C2CD3: variants seen among roughly 807,000 people sequenced by gnomAD.
C2CD3 encodes the protein C2 domain containing 3 centriole elongation regulator, also known as C2 domain-containing protein 3.
C2CD3 carries 148 observed loss-of-function variants against 234.0 expected under a neutral mutation model. The ratio of observed to expected loss-of-function variants is 0.63; its 90% CI spans 0.55 to 0.72. The LOEUF (loss-of-function observed/expected upper bound fraction) is 0.72, where lower values mean the gene tolerates loss of function less well. Ranked by LOEUF, C2CD3 falls within the 30% of genes least tolerant of loss-of-function variation. C2CD3 has a pLI of 0.00. For synonymous variants in C2CD3, 1,000 were observed against 1,035.4 expected (o/e 0.97, Z 0.66); for missense variants, 2,577 against 2,811.5 (o/e 0.92, Z 1.89).
intron 9 of C2CD3, among the ~76,000 whole-genome samples, chr11:74,115,807 C>T (rs1211968594): frequency 1.3e-5 from 2 of 152,070 alleles, no homozygotes; most frequent in Non-Finnish European, 2.9e-5. Context: ...ATAGAGAATC[C>T]AGAAATAAAG....
At chr11:74,148,405 A>G (rs2156756) in intron 3 of C2CD3, among the ~76,000 whole-genome samples, 1 of 151,564 alleles carries the variant, frequency 6.6e-6, no homozygotes, top group South Asian at 2.1e-4. Context: ...TATCTTATAT[A>G]TGTATATATA....
At chr11:74,045,153 T>G (rs977585677) in intron 28 of C2CD3, among the ~76,000 whole-genome samples, 1 of 152,172 alleles carries the variant, frequency 6.6e-6, no homozygotes, top group Non-Finnish European at 1.5e-5. Flanking sequence ...ACCTAGTTGT[T>G]CCAGCACCAT....
At chr11:74,137,125 T>A (rs576618603) in intron 5 of C2CD3, among the ~76,000 whole-genome samples, 36 of 151,596 alleles carry the variant, frequency 2.4e-4, no homozygotes, top group South Asian at 1.3e-3. Context: ...GCCTCCTGAG[T>A]AGCTTAATGT....
chr11:74,062,108 A>T (rs1245898889), intron 24 of C2CD3, among the ~76,000 whole-genome samples: 1 of 152,192 alleles, frequency 6.6e-6, no homozygotes, highest in Admixed American at 6.5e-5. Flanking sequence ...ATACAGGAGC[A>T]CTCAGATTCA....
In C2CD3 at chr11:74,072,246, C is replaced by T. The variant is rs571901707; in HGVS notation, c.4951+2007G>A. On this transcript the variant is annotated intron_variant, in intron 24 of 32. Transcript: ENST00000334126. ...ATAGAATGTTTCAAGGTTTCTGATACACAATGGCTGAAATGGATGAGAACA... is the reference window on the plus strand; with the variant it reads ...ATAGAATGTTTCAAGGTTTCTGATATACAATGGCTGAAATGGATGAGAACA... Among the ~76,000 whole-genome samples the T allele has an allele frequency of 5.9e-5, 9 of 152,222 alleles. 1 individual carries two copies. In the East Asian group the frequency reaches 1.5e-3, roughly 26 times the overall value.
chr11:74,138,125 T>G (rs778357267), intron 5 of C2CD3, among the ~76,000 whole-genome samples: 100 of 152,242 alleles, frequency 6.6e-4, no homozygotes, highest in Non-Finnish European at 9.6e-4. Context: ...TACAGTGTAA[T>G]GTAAGTCAAC....
At position 74,085,089 on chromosome 11, in the gene C2CD3, A is replaced by G. The variant is rs1955579557; in HGVS notation, c.3911-119T>C. 22 of 576,326 alleles carry G rather than the reference A, an allele frequency of 3.8e-5. 1 individual carries two copies. The South Asian group carries it at 4.9e-4, about 13-fold the overall frequency. The allele number at this position is 576,326 out of a possible 1,614,324, so 35.7% of individuals were successfully genotyped here. Reference sequence around the variant, plus strand: ...ACTAAATCTTAGTTTTGTAAAATGCATTAGAGATTATCTTGCTCTTGCTCA... The same window carrying G: ...ACTAAATCTTAGTTTTGTAAAATGCGTTAGAGATTATCTTGCTCTTGCTCA... On this transcript the variant is annotated intron_variant, in intron 21 of 32. Coordinates refer to ENST00000334126, the MANE Select transcript of C2CD3 (RefSeq NM_001286577.2).
At chr11:74,130,395 TTTTTTA>T (rs1957625825) in intron 7 of C2CD3, among the ~76,000 whole-genome samples, 2 of 152,002 alleles carry the variant, frequency 1.3e-5, no homozygotes, top group Non-Finnish European at 2.9e-5. Context: ...CTAGCTAATC[TTTTTTA>T]TTTTTATTTT....
At chr11:74,054,537 T>C (rs945865394) in intron 26 of C2CD3, 70 bp downstream of exon 26, 5 of 557,836 alleles carry the variant, frequency 9.0e-6, no homozygotes, top group African/African-American at 6.7e-5. Flanking sequence ...AAAAAAGGAA[T>C]GGTAGATTGT....
At chr11:74,090,189 T>C (rs1319795896) in intron 20 of C2CD3, among the ~76,000 whole-genome samples, 1 of 152,076 alleles carries the variant, frequency 6.6e-6, no homozygotes, top group Admixed American at 6.5e-5. Context: ...TTAGATCATA[T>C]GGGGTCTCAT....
rs1185368618 is a variant in C2CD3, at chr11:74,103,484, T to A, written c.2227A>T (p.Thr743Ser). The A allele has an allele frequency of 1.2e-6, 2 of 1,614,208 alleles. No individual in the cohort carries two copies. Among genetic ancestry groups the A allele is most frequent in the Middle Eastern group, 1.6e-4 (1 of 6,062 alleles). The change falls in exon 14 of 33, where the codon ACC becomes TCC. Residue 743 changes from threonine to serine, a missense_variant. Thr to Ser is a moderately conservative substitution (Grantham distance 58). Transcript: ENST00000334126. Reference protein sequence around the residue: ...LPELNQDMTCTKNPQNLNQIH... With the variant: ...LPELNQDMTCSKNPQNLNQIH... ...TGGTTTAAGTTTTGTGGATTTTTGG[T>A]ACAGGTCATATCTTGGTTAAGTTCT...
At chr11:74,143,199 G>A (rs1331722234) in intron 3 of C2CD3, among the ~76,000 whole-genome samples, 3 of 152,180 alleles carry the variant, frequency 2.0e-5, no homozygotes, top group Admixed American at 6.5e-5. Flanking sequence ...TTCTAGCAAC[G>A]ACTCAAGGTT....
intron 3 of C2CD3, among the ~76,000 whole-genome samples, chr11:74,150,566 GA>G (rs1855575332): frequency 1.4e-5 from 1 of 71,926 alleles, no homozygotes; most frequent in Admixed American, 1.2e-4. Flanking sequence ...TATAAAATTA[GA>G]AAAAAATAAA....
At chr11:74,026,120 G>A (rs1395073965) in intron 32 of C2CD3, among the ~76,000 whole-genome samples, 2 of 152,116 alleles carry the variant, frequency 1.3e-5, no homozygotes, top group East Asian at 1.9e-4. Context: ...GATGTAGCCT[G>A]GGCAACACAG....
At chr11:74,046,613 G>A (rs1953387266) in intron 28 of C2CD3, among the ~76,000 whole-genome samples, 1 of 152,158 alleles carries the variant, frequency 6.6e-6, no homozygotes, top group Non-Finnish European at 1.5e-5. Flanking sequence ...AAAGGCCTGA[G>A]TCACCATGGC....
chr11:74,166,052 T>G (rs1291494217), intron 2 of C2CD3, among the ~76,000 whole-genome samples: 1 of 151,966 alleles, frequency 6.6e-6, no homozygotes, highest in Non-Finnish European at 1.5e-5. Context: ...GGCTCACACC[T>G]GTAATCCCAG....
At chr11:74,101,335 G>C (rs1163518973) in intron 14 of C2CD3, among the ~76,000 whole-genome samples, 1 of 152,186 alleles carries the variant, frequency 6.6e-6, no homozygotes, top group Non-Finnish European at 1.5e-5. Context: ...AGAAACCCAA[G>C]CTGTAGGGAC....
At chr11:74,133,612 G>T in intron 5 of C2CD3, 55 bp from the exon 6 acceptor site, 2 of 1,589,396 alleles carry the variant, frequency 1.3e-6, no homozygotes, top group East Asian at 2.3e-5. Context: ...AGAAACATTT[G>T]GAATATTCAG....
chr11:74,055,542 C>T (rs562917383), intron 25 of C2CD3, among the ~76,000 whole-genome samples: 29 of 152,270 alleles, frequency 1.9e-4, no homozygotes, highest in African/African-American at 6.7e-4. Flanking sequence ...GACCAATGAG[C>T]GGCACGGTGC....
Sources: gnomAD v4.1 joint callset for allele counts (sites outside exome capture counted in the v4.1 genomes callset) on GRCh38, gnomAD v4.1.1 for gene constraint, MANE v1.5 for transcripts, NCBI Gene and HGNC (gene_info 2026-07-23, HGNC 2026-07-21) for gene names.